Variants in DTNB observed in about 807,000 individuals in gnomAD.
DTNB encodes the protein DTN-B.
A neutral mutation model predicts 90.7 loss-of-function variants in DTNB; 63 were observed. That is an observed-to-expected ratio of 0.69 (90% CI 0.57 to 0.86). DTNB has a LOEUF of 0.86. DTNB is among the 40% of genes least tolerant of loss of function. The pLI, the probability that DTNB is intolerant of heterozygous loss-of-function variation, is 0.00. For missense variants in DTNB, 744 were observed against 807.1 expected (o/e 0.92, Z 0.95); for synonymous variants, 277 against 286.7 (o/e 0.97, Z 0.34).
intron 16 of DTNB, among the ~76,000 whole-genome samples, chr2:25,391,731 C>T (rs780849609): frequency 3.3e-5 from 5 of 151,994 alleles, no homozygotes; most frequent in African/African-American, 4.8e-5. Flanking sequence ...CTCTATCAGA[C>T]GACATTAGAA....
At position 25,388,229 on chromosome 2, in the gene DTNB, C is replaced by T; in HGVS notation, c.1708G>A (p.Gly570Arg). 1 of 1,591,264 alleles carries T rather than the reference C, an allele frequency of 6.3e-7. No individual in the cohort carries two copies. The highest frequency in any genetic ancestry group is 1.1e-5 in the South Asian group (1 of 87,762). ...CPQDSLSGVG[G>R]DVQEAFAQGT... ...TGTGCGAAGGCCTCCTGCACGTCTC[C>T]CCCGACTCCGCTCAGCGAGTCCTGC... Residue 570 changes from glycine to arginine, a missense_variant, in exon 17 of 21, where the codon GGA becomes AGA. Gly to Arg is a moderately radical substitution (Grantham distance 125, BLOSUM62 -2). Coordinates refer to ENST00000406818, the MANE Select transcript of DTNB (RefSeq NM_021907.5).
chr2:25,510,150 T>C (rs916474348), intron 9 of DTNB, among the ~76,000 whole-genome samples: 1 of 152,154 alleles, frequency 6.6e-6, no homozygotes, highest in Non-Finnish European at 1.5e-5. Context: ...ATTTTGTCCT[T>C]CTGGAATTCC....
intron 9 of DTNB, among the ~76,000 whole-genome samples, chr2:25,518,799 G>A (rs2075628458): frequency 6.6e-6 from 1 of 152,108 alleles, no homozygotes; most frequent in African/African-American, 2.4e-5. Flanking sequence ...AGCAAAACAG[G>A]TAACATTCAT....
At chr2:25,433,814 C>A in intron 13 of DTNB, 96 bp downstream of exon 13, 1 of 1,400,244 alleles carries the variant, frequency 7.1e-7, no homozygotes, top group South Asian at 1.2e-5. Flanking sequence ...TCTTCCTTGG[C>A]GGTCAAAAGC....
intron 12 of DTNB, 121 bp downstream of exon 12, chr2:25,451,427 A>G: frequency 9.6e-7 from 1 of 1,037,610 alleles, no homozygotes; most frequent in Non-Finnish European, 1.4e-6. Flanking sequence ...GCATGTGGAA[A>G]AGTGGAAAGT....
At chr2:25,640,309 G>T (rs2077974806) in intron 2 of DTNB, among the ~76,000 whole-genome samples, 6 of 152,020 alleles carry the variant, frequency 3.9e-5, no homozygotes, top group Admixed American at 3.9e-4. Flanking sequence ...CTCAATAAGG[G>T]GACAGAGAAC....
intron 8 of DTNB, among the ~76,000 whole-genome samples, chr2:25,547,367 C>G (rs1165976037): frequency 6.8e-6 from 1 of 147,792 alleles, no homozygotes; most frequent in Non-Finnish European, 1.5e-5. Flanking sequence ...TCTTGTTGCC[C>G]AGGCTGGAGT....
intron 9 of DTNB, among the ~76,000 whole-genome samples, chr2:25,500,597 GAA>G (rs1275804108): frequency 2.0e-5 from 3 of 152,178 alleles, no homozygotes; most frequent in Non-Finnish European, 4.4e-5. Flanking sequence ...AGTCTCTGCT[GAA>G]AAGACCACAC....
chr2:25,423,653 A>C (rs2050543969), intron 15 of DTNB, among the ~76,000 whole-genome samples: 1 of 152,004 alleles, frequency 6.6e-6, no homozygotes, highest in Non-Finnish European at 1.5e-5. Flanking sequence ...CCCCTTTTAA[A>C]TTAAAATTAG....
intron 4 of DTNB, among the ~76,000 whole-genome samples, chr2:25,610,731 A>G (rs1042117613): frequency 1.3e-5 from 2 of 149,478 alleles, no homozygotes; most frequent in Admixed American, 1.3e-4. Context: ...TTTTTTTGAG[A>G]CAGAATCTCT....
chr2:25,654,010 T>C (rs1490218939), intron 1 of DTNB, among the ~76,000 whole-genome samples: 1 of 152,180 alleles, frequency 6.6e-6, no homozygotes. Flanking sequence ...TCCTTCCACA[T>C]GTATCATCCT....
At chr2:25,449,909 C>T (rs771565954) in intron 12 of DTNB, among the ~76,000 whole-genome samples, 5 of 151,924 alleles carry the variant, frequency 3.3e-5, no homozygotes, top group Non-Finnish European at 7.4e-5. Flanking sequence ...ACTACAGGCG[C>T]ACACTGCCAC....
intron 15 of DTNB, among the ~76,000 whole-genome samples, chr2:25,423,569 TCTGA>T (rs1296823639): frequency 1.3e-5 from 2 of 152,216 alleles, no homozygotes; most frequent in Admixed American, 6.5e-5. Context: ...TGATTGTCCA[TCTGA>T]CTAACTGCTT....
chr2:25,426,744 C>T (rs2051793410), intron 15 of DTNB: 1 of 152,200 alleles, frequency 6.6e-6, no homozygotes, highest in African/African-American at 2.4e-5. Flanking sequence ...TAAATCCCCT[C>T]TTAGATATCT....
intron 10 of DTNB, among the ~76,000 whole-genome samples, chr2:25,478,545 GAC>G (rs1351512953): frequency 6.6e-6 from 1 of 151,252 alleles, no homozygotes; most frequent in Admixed American, 6.6e-5. Flanking sequence ...TTTTTTTAGA[GAC>G]AGAGTCTCGC....
Position 25,446,351 on chromosome 2 carries a change from G to A in DTNB, c.1257+5197C>T, listed in dbSNP as rs555294088. On this transcript the variant is annotated intron_variant, in intron 12 of 20. Coordinates refer to ENST00000406818, the MANE Select transcript of DTNB (RefSeq NM_021907.5). The stretch of plus-strand genomic sequence containing the variant: ...TTCTGGGCTCAAGCAATTCTCCCAC[G>A]TCAGCCTCCCAAGCAGCTGTGACTA... 9.2e-5 allele frequency among the ~76,000 whole-genome samples: 14 copies of A among 151,898 alleles called. No homozygotes were observed. The East Asian group carries it at 1.5e-3, about 17-fold the overall frequency.
chr2:25,568,184 G>A (rs1168985704), intron 8 of DTNB, among the ~76,000 whole-genome samples: 1 of 151,404 alleles, frequency 6.6e-6, no homozygotes, highest in East Asian at 1.9e-4. Context: ...GAAAAGAAAA[G>A]AAAGGTTGAA....
intron 1 of DTNB, among the ~76,000 whole-genome samples, chr2:25,662,078 C>A (rs1241562325): frequency 6.6e-6 from 1 of 151,942 alleles, no homozygotes; most frequent in South Asian, 2.1e-4. Context: ...ACTGCTTGAA[C>A]CCAGGAGGTG....
At chr2:25,524,401 CTTTTT>C (rs369653199) in intron 9 of DTNB, among the ~76,000 whole-genome samples, 2 of 114,646 alleles carry the variant, frequency 1.7e-5, no homozygotes, top group Non-Finnish European at 1.8e-5. Context: ...TCTACCAGAG[CTTTTT>C]TTTTTTTTTT....
Sources: allele counts gnomAD v4.1 joint callset (sites outside exome capture counted in the v4.1 genomes callset), GRCh38; gene constraint gnomAD v4.1.1; transcripts MANE v1.5; gene names NCBI Gene and HGNC (gene_info 2026-07-23, HGNC 2026-07-21).